PTPRD: variants seen among roughly 807,000 people sequenced by gnomAD.
PTPRD encodes receptor-type tyrosine-protein phosphatase delta.
A neutral mutation model predicts 214.5 loss-of-function variants in PTPRD; 34 were observed. That is an observed-to-expected ratio of 0.16 (90% CI 0.12 to 0.21). PTPRD has a LOEUF of 0.21. PTPRD is among the 10% of genes least tolerant of loss of function. PTPRD has a pLI of 1.00. For synonymous variants in PTPRD, 1,128 were observed against 845.7 expected (o/e 1.33, Z -5.79); for missense variants, 2,545 against 2,398.7 (o/e 1.06, Z -1.27).
At chr9:8,789,239 G>T (rs932443130) in intron 11 of PTPRD, among the ~76,000 whole-genome samples, 1 of 152,058 alleles carries the variant, frequency 6.6e-6, no homozygotes, top group African/African-American at 2.4e-5. Context: ...TGGCCCAAAA[G>T]TTCTCTCTTC....
chr9:10,447,303 G>A, intron 2 of PTPRD, among the ~76,000 whole-genome samples: 1 of 151,982 alleles, frequency 6.6e-6, no homozygotes, highest in East Asian at 1.9e-4. Flanking sequence ...GGAAGTTAAT[G>A]AGAAGACTCT....
chr9:8,342,032 C>A (rs2132538737), intron 39 of PTPRD, 54 bp from the exon 40 acceptor site: 1 of 1,479,162 alleles, frequency 6.8e-7, no homozygotes, highest in South Asian at 1.4e-5. Context: ...AAAATCAATA[C>A]ATAATAAAAG....
At chr9:8,771,284 A>C (rs2095192778) in intron 11 of PTPRD, among the ~76,000 whole-genome samples, 1 of 152,216 alleles carries the variant, frequency 6.6e-6, no homozygotes, top group Admixed American at 6.5e-5. Context: ...AGTTATTTAC[A>C]AAAGTTTTTC....
intron 10 of PTPRD, among the ~76,000 whole-genome samples, chr9:9,057,266 T>C (rs1302362279): frequency 6.6e-6 from 1 of 152,198 alleles, no homozygotes; most frequent in African/African-American, 2.4e-5. Context: ...GTCTATTCTT[T>C]CTAGGGACTG....
chr9:9,762,541 G>C (rs1287940337), intron 6 of PTPRD, among the ~76,000 whole-genome samples: 1 of 152,192 alleles, frequency 6.6e-6, no homozygotes, highest in East Asian at 1.9e-4. Flanking sequence ...TCAACACTTT[G>C]CTCAGAAACC....
chr9:9,837,657 G>A (rs903908823), intron 5 of PTPRD, among the ~76,000 whole-genome samples: 49 of 152,266 alleles, frequency 3.2e-4, no homozygotes, highest in African/African-American at 1.2e-3. Context: ...GCCCTGCAGT[G>A]TCAGTGACAT....
chr9:8,709,700 T>C (rs2098288301), intron 12 of PTPRD, among the ~76,000 whole-genome samples: 2 of 152,030 alleles, frequency 1.3e-5, no homozygotes, highest in Admixed American at 6.6e-5. Flanking sequence ...TATAATGTTG[T>C]CTGTCAATAT....
intron 32 of PTPRD, among the ~76,000 whole-genome samples, chr9:8,464,551 C>A (rs549948638): frequency 1.3e-5 from 2 of 152,010 alleles, no homozygotes; most frequent in East Asian, 3.9e-4. Context: ...ATCTTTGATA[C>A]ATTGTGAGCT....
At chr9:8,847,028 C>A (rs1191803591) in intron 11 of PTPRD, among the ~76,000 whole-genome samples, 2 of 151,918 alleles carry the variant, frequency 1.3e-5, no homozygotes, top group Non-Finnish European at 2.9e-5. Flanking sequence ...ACAGATGATA[C>A]CTAATAACAT....
chr9:9,991,123 G>A (rs1319275369), intron 4 of PTPRD, among the ~76,000 whole-genome samples: 3 of 151,686 alleles, frequency 2.0e-5, no homozygotes, highest in African/African-American at 7.3e-5. Context: ...TAGTAGAAAC[G>A]GGGTTTCACC....
rs71485332 is a variant in PTPRD at position 10,438,008 on chromosome 9, C to CATATATATATATATATATATAT, written c.-599-96992_-599-96991insATATATATATATATATATATAT. Among the ~76,000 whole-genome samples, 33 of 125,140 alleles carry CATATATATATATATATATATAT rather than the reference C, an allele frequency of 2.6e-4. 1 individual carries two copies. Among genetic ancestry groups the CATATATATATATATATATATAT allele is most frequent in the African/African-American group, 1.2e-3 (32 of 25,988 alleles). 82.1% of individuals were successfully genotyped at this position (125,140 alleles called of 152,430 possible). ...CTGGACTATCAGCTCCCTAAGTCTA[C>CATATATATATATATATATATAT]ATATATATATATATATATATAGTGA... On this transcript the variant is annotated intron_variant, in intron 2 of 45. Coordinates refer to ENST00000381196, the MANE Select transcript of PTPRD (RefSeq NM_002839.4).
chr9:9,948,615 T>C (rs1371457233), intron 4 of PTPRD, among the ~76,000 whole-genome samples: 1 of 151,910 alleles, frequency 6.6e-6, no homozygotes, highest in East Asian at 1.9e-4. Context: ...CTGCAAAACC[T>C]TTTTTCCCCA....
chr9:9,355,364 G>C (rs933561775), intron 9 of PTPRD, among the ~76,000 whole-genome samples: 6 of 134,184 alleles, frequency 4.5e-5, no homozygotes, highest in African/African-American at 1.7e-4. Flanking sequence ...ACTATGGTTT[G>C]GACCAGTTTT....
intron 14 of PTPRD, among the ~76,000 whole-genome samples, chr9:8,541,609 T>A (rs2078438822): frequency 6.6e-6 from 1 of 152,110 alleles, no homozygotes; most frequent in South Asian, 2.1e-4. Context: ...GTTCAAGTAA[T>A]CCTTCCACCC....
At chr9:10,192,944 T>C (rs960211127) in intron 3 of PTPRD, among the ~76,000 whole-genome samples, 1 of 152,172 alleles carries the variant, frequency 6.6e-6, no homozygotes, top group Non-Finnish European at 1.5e-5. Context: ...GCTCTATGAA[T>C]TGAGTTCCAA....
At chr9:8,916,538 G>T (rs1409616179) in intron 11 of PTPRD, among the ~76,000 whole-genome samples, 1 of 152,148 alleles carries the variant, frequency 6.6e-6, no homozygotes, top group Admixed American at 6.6e-5. Context: ...AGTGTGTAGA[G>T]AGGCCTTTTA....
intron 32 of PTPRD, among the ~76,000 whole-genome samples, chr9:8,463,308 C>CAAAAAAAAA (rs71308864): frequency 3.5e-5 from 1 of 28,850 alleles, no homozygotes; most frequent in Non-Finnish European, 8.0e-5. Context: ...CAGAGGCAGC[C>CAAAAAAAAA]AAAAAAAAAA....
chr9:9,803,560 G>C (rs2099054902), intron 5 of PTPRD, among the ~76,000 whole-genome samples: 1 of 151,932 alleles, frequency 6.6e-6, no homozygotes, highest in East Asian at 1.9e-4. Flanking sequence ...ATGGCCAGCA[G>C]AGTTAGTACT....
intron 11 of PTPRD, among the ~76,000 whole-genome samples, chr9:8,956,181 G>C (rs1278360487): frequency 6.6e-6 from 1 of 151,620 alleles, no homozygotes; most frequent in African/African-American, 2.4e-5. Context: ...TGAGTGAAAG[G>C]GATAAAACTC....
Sources: allele counts gnomAD v4.1 joint callset (sites outside exome capture counted in the v4.1 genomes callset), GRCh38; gene constraint gnomAD v4.1.1; transcripts MANE v1.5; gene names NCBI Gene and HGNC (gene_info 2026-07-23, HGNC 2026-07-21).